Variants in KCNIP1 observed in about 807,000 individuals in gnomAD.
KCNIP1 encodes potassium voltage-gated channel interacting protein 1, also known as A-type potassium channel modulatory protein KCNIP1.
A neutral mutation model predicts 33.0 loss-of-function variants in KCNIP1; 18 were observed. That is an observed-to-expected ratio of 0.55 (90% CI 0.38 to 0.81). KCNIP1 has a LOEUF of 0.81. KCNIP1 is among the 30% of genes least tolerant of loss of function. The pLI is 0.00. For missense variants in KCNIP1, 238 were observed against 271.6 expected, an observed-to-expected ratio of 0.88 and a Z score of 0.87; for synonymous variants, 93 against 98.3, an observed-to-expected ratio of 0.95 and a Z score of 0.32.
chr5:170,613,668 T>G (rs1394453040), intron 1 of KCNIP1, among the ~76,000 whole-genome samples: 2 of 152,076 alleles, frequency 1.3e-5, no homozygotes, highest in Admixed American at 1.3e-4. Context: ...ACCTTTGTAT[T>G]TTAAGTCATT....
chr5:170,411,631 C>T (rs533206490), intron 1 of KCNIP1, among the ~76,000 whole-genome samples: 6 of 96,012 alleles, frequency 6.2e-5, no homozygotes, highest in African/African-American at 1.2e-4. Flanking sequence ...AGAATTCAGA[C>T]ATGATTATAT....
At chr5:170,354,192 G>C (rs907699767) in intron 1 of KCNIP1, among the ~76,000 whole-genome samples, 5 of 152,216 alleles carry the variant, frequency 3.3e-5, no homozygotes, top group African/African-American at 4.8e-5. Context: ...CTTTGGAAAT[G>C]GAGTTGGTGG....
intron 1 of KCNIP1, among the ~76,000 whole-genome samples, chr5:170,625,742 G>T (rs1759796349): frequency 6.6e-6 from 1 of 152,194 alleles, no homozygotes; most frequent in Non-Finnish European, 1.5e-5. Context: ...AAACCCAGAG[G>T]CAGCAGGGTG....
intron 1 of KCNIP1, among the ~76,000 whole-genome samples, chr5:170,428,461 T>C (rs1755662339): frequency 6.6e-6 from 1 of 151,702 alleles, no homozygotes; most frequent in African/African-American, 2.4e-5. Flanking sequence ...TCCAGGCTGA[T>C]GGAATTTAAC....
intron 5 of KCNIP1, among the ~76,000 whole-genome samples, chr5:170,726,817 G>A (rs1764023911): frequency 6.6e-6 from 1 of 151,668 alleles, no homozygotes; most frequent in Non-Finnish European, 1.5e-5. Context: ...AGGCTGAGGT[G>A]GGAGAATTGC....
At chr5:170,560,147 G>A (rs997388877) in intron 1 of KCNIP1, among the ~76,000 whole-genome samples, 1 of 152,180 alleles carries the variant, frequency 6.6e-6, no homozygotes, top group Admixed American at 6.5e-5. Flanking sequence ...TTTCTGGGCA[G>A]TGTGGGGCAG....
rs1760233956 is a variant in KCNIP1 at position 170,635,220 on chromosome 5, G to T, written c.62-83538G>T. 2.0e-5 allele frequency among the ~76,000 whole-genome samples: 3 copies of T among 152,108 alleles called. No individual in the cohort carries two copies. The South Asian group carries it at 6.2e-4, about 31-fold the overall frequency. On this transcript the variant is annotated intron_variant, in intron 1 of 7. Coordinates refer to ENST00000328939, the MANE Select transcript of KCNIP1 (RefSeq NM_014592.4). ...AATTTTTGTATTTTTAGTAGAGACG[G>T]GGTTTCATCTTGTTGGCCAGGCTTG...
chr5:170,617,090 G>C (rs1167011182), intron 1 of KCNIP1, among the ~76,000 whole-genome samples: 1 of 151,726 alleles, frequency 6.6e-6, no homozygotes, highest in African/African-American at 2.4e-5. Flanking sequence ...CCAGAATCTG[G>C]TACCTAGTGA....
At chr5:170,597,818 T>TGAAA in intron 1 of KCNIP1, among the ~76,000 whole-genome samples, 1 of 27,328 alleles carries the variant, frequency 3.7e-5, no homozygotes. Context: ...TATATATATA[T>TGAAA]ATATATATAT....
rs1392067736 is a variant in KCNIP1, at chr5:170,669,095, G to C, written c.62-49663G>C. Among the ~76,000 whole-genome samples the C allele has an allele frequency of 2.0e-5, 3 of 152,168 alleles. No homozygotes were observed. In the East Asian group the frequency reaches 5.8e-4, roughly 29 times the overall value. On this transcript the variant is annotated intron_variant, in intron 1 of 7. Coordinates refer to ENST00000328939, the MANE Select transcript of KCNIP1 (RefSeq NM_014592.4). Reference sequence around the variant, plus strand: ...CAACTGTAGGCCTGCCCCACTGATGGTGTGAATAAAGGGACTGGGTCTCTC... The same window carrying C: ...CAACTGTAGGCCTGCCCCACTGATGCTGTGAATAAAGGGACTGGGTCTCTC...
chr5:170,404,407 A>C (rs539602818), intron 1 of KCNIP1, among the ~76,000 whole-genome samples: 9 of 152,216 alleles, frequency 5.9e-5, no homozygotes, highest in Admixed American at 5.2e-4. Flanking sequence ...GCAGCCTCAA[A>C]ATGTAGTGGC....
chr5:170,456,303 C>T (rs899440121), intron 1 of KCNIP1, among the ~76,000 whole-genome samples: 4 of 151,836 alleles, frequency 2.6e-5, no homozygotes, highest in Non-Finnish European at 1.5e-5. Flanking sequence ...ACACCGGGGC[C>T]TGTCGGAGGG....
intron 1 of KCNIP1, chr5:170,375,403 G>A (rs1581121898): frequency 6.6e-6 from 1 of 152,398 alleles, no homozygotes; most frequent in Middle Eastern, 3.4e-3. Flanking sequence ...TGGGCTCCCT[G>A]GCTGGAATTG....
At chr5:170,480,476 A>AT (rs11428676) in intron 1 of KCNIP1, among the ~76,000 whole-genome samples, 78,894 of 137,966 alleles carry the variant, frequency 0.57, 24,543 homozygotes, top group Non-Finnish European at 0.72. Context: ...GAGACTAGGG[A>AT]TTTTTTTTTT....
At chr5:170,585,274 T>G (rs1031424670) in intron 1 of KCNIP1, among the ~76,000 whole-genome samples, 1 of 152,142 alleles carries the variant, frequency 6.6e-6, no homozygotes, top group African/African-American at 2.4e-5. Context: ...GAGAACTCCC[T>G]CATTTTTCAG....
intron 1 of KCNIP1, among the ~76,000 whole-genome samples, chr5:170,564,444 G>T (rs1421798758): frequency 1.3e-5 from 2 of 152,166 alleles, no homozygotes; most frequent in Non-Finnish European, 2.9e-5. Context: ...AAAGCAAGAG[G>T]TAGCAGGAGA....
chr5:170,390,008 G>A (rs1161746259), intron 1 of KCNIP1, among the ~76,000 whole-genome samples: 2 of 152,314 alleles, frequency 1.3e-5, no homozygotes, highest in South Asian at 2.1e-4. Flanking sequence ...GACCAACTGA[G>A]CTGAAGCTGG....
At chr5:170,732,741 C>T in intron 5 of KCNIP1, 59 bp from the exon 6 acceptor site, 1 of 1,134,352 alleles carries the variant, frequency 8.8e-7, no homozygotes, top group Non-Finnish European at 1.3e-6. Context: ...AACTCTGTCA[C>T]CTAGGAAGAG....
At chr5:170,519,894 A>G (rs1755292633) in intron 1 of KCNIP1, among the ~76,000 whole-genome samples, 1 of 152,118 alleles carries the variant, frequency 6.6e-6, no homozygotes, top group Non-Finnish European at 1.5e-5. Context: ...TATTGTTGAA[A>G]GATGTAGAAG....
Sources: gnomAD v4.1 joint callset for allele counts (sites outside exome capture counted in the v4.1 genomes callset) on GRCh38, gnomAD v4.1.1 for gene constraint, MANE v1.5 for transcripts, NCBI Gene and HGNC (gene_info 2026-07-23, HGNC 2026-07-21) for gene names.